PACRG: variants seen among roughly 807,000 people sequenced by gnomAD.
PACRG encodes parkin coregulated gene protein.
In PACRG, 29 loss-of-function variants were observed where a neutral mutation model predicts 29.7. The ratio of observed to expected loss-of-function variants is 0.98; its 90% CI spans 0.73 to 1.33. PACRG has a LOEUF of 1.33. Among genes scored for constraint, PACRG ranks in the 40% most tolerant of loss-of-function variants. PACRG has a pLI of 0.00. For synonymous variants in PACRG, 116 were observed against 118.7 expected (o/e 0.98, Z 0.15); for missense variants, 279 against 316.2 (o/e 0.88, Z 0.89).
intron 2 of PACRG, among the ~76,000 whole-genome samples, chr6:162,916,641 T>C (rs1584749914): frequency 6.6e-6 from 1 of 152,322 alleles, no homozygotes; most frequent in East Asian, 1.9e-4. Flanking sequence ...GAGTTGAGTT[T>C]CATGAAATTT....
intron 2 of PACRG, among the ~76,000 whole-genome samples, chr6:162,914,722 G>T (rs1461485205): frequency 6.6e-6 from 1 of 151,054 alleles, no homozygotes; most frequent in East Asian, 1.9e-4. Flanking sequence ...TAGGTCCTTA[G>T]TTTCTCTCAG....
intron 4 of PACRG, among the ~76,000 whole-genome samples, chr6:163,305,670 C>A (rs1169950111): frequency 1.3e-5 from 2 of 152,206 alleles, no homozygotes; most frequent in Admixed American, 1.3e-4. Context: ...TCCTTGAAAT[C>A]AGTCGGCCTT....
intron 4 of PACRG, among the ~76,000 whole-genome samples, chr6:163,175,370 G>A (rs952702702): frequency 4.6e-5 from 7 of 152,130 alleles, no homozygotes; most frequent in Non-Finnish European, 8.8e-5. Flanking sequence ...AGGGAGCATA[G>A]AGTGTTTACT....
intron 3 of PACRG, 80 bp from the exon 4 acceptor site, chr6:163,089,179 A>C: frequency 6.9e-7 from 1 of 1,453,086 alleles, no homozygotes; most frequent in Non-Finnish European, 9.4e-7. Flanking sequence ...ATGCAACCAC[A>C]AGACAACTTT....
intron 2 of PACRG, among the ~76,000 whole-genome samples, chr6:162,818,329 A>G (rs1022124582): frequency 2.0e-5 from 3 of 152,206 alleles, no homozygotes; most frequent in African/African-American, 7.2e-5. Flanking sequence ...TTAAATTGCC[A>G]TCCTTTAATT....
intron 4 of PACRG, among the ~76,000 whole-genome samples, chr6:163,216,021 C>G (rs1311548162): frequency 6.6e-6 from 1 of 152,126 alleles, no homozygotes; most frequent in Non-Finnish European, 1.5e-5. Context: ...CATCAGAAGC[C>G]CGGCTGGGAA....
At chr6:163,181,857 G>A (rs1779690960) in intron 4 of PACRG, among the ~76,000 whole-genome samples, 2 of 152,088 alleles carry the variant, frequency 1.3e-5, no homozygotes, top group Non-Finnish European at 2.9e-5. Context: ...CCCGGGAGGC[G>A]CGCTCTGTCA....
intron 4 of PACRG, among the ~76,000 whole-genome samples, chr6:163,292,906 G>A (rs1784664640): frequency 6.6e-6 from 1 of 152,128 alleles, no homozygotes; most frequent in Non-Finnish European, 1.5e-5. Context: ...TACAGAAGAC[G>A]ATTGTTACCT....
At chr6:162,939,059 T>A (rs1005133687) in intron 2 of PACRG, among the ~76,000 whole-genome samples, 2 of 152,094 alleles carry the variant, frequency 1.3e-5, no homozygotes, top group Admixed American at 1.3e-4. Flanking sequence ...GGTATAAAAA[T>A]GGGCACATAG....
intron 4 of PACRG, among the ~76,000 whole-genome samples, chr6:163,294,971 C>G (rs889712596): frequency 6.6e-6 from 1 of 152,302 alleles, no homozygotes; most frequent in Non-Finnish European, 1.5e-5. Flanking sequence ...GTACCATGGG[C>G]TCCTCCTCTG....
chr6:162,995,873 A>G (rs1231999753), intron 2 of PACRG, among the ~76,000 whole-genome samples: 2 of 152,194 alleles, frequency 1.3e-5, no homozygotes, highest in African/African-American at 4.8e-5. Context: ...TATCTTGGCT[A>G]TTGTGAATAA....
chr6:163,202,872 C>A (rs1381316073), intron 4 of PACRG, among the ~76,000 whole-genome samples: 1 of 152,102 alleles, frequency 6.6e-6, no homozygotes, highest in Non-Finnish European at 1.5e-5. Flanking sequence ...GGCCAGGATC[C>A]CAAGTCAGAC....
At chr6:162,854,358 C>T (rs1211750458) in intron 2 of PACRG, among the ~76,000 whole-genome samples, 1 of 152,080 alleles carries the variant, frequency 6.6e-6, no homozygotes, top group African/African-American at 2.4e-5. Context: ...CTTCTACCTG[C>T]ATAGTTCCAC....
At chr6:162,856,193 G>A (rs893922212) in intron 2 of PACRG, among the ~76,000 whole-genome samples, 2 of 151,948 alleles carry the variant, frequency 1.3e-5, no homozygotes, top group African/African-American at 4.8e-5. Context: ...CGAGTAGCTG[G>A]GACTACAGTA....
In PACRG at chr6:163,274,031, GT is replaced by G. The variant is rs202214874; in HGVS notation, c.614-40787del. 4.2e-3 allele frequency among the ~76,000 whole-genome samples: 641 copies of G among 151,082 alleles called. 15 individuals carry two copies. Among genetic ancestry groups the G allele is most frequent in the Admixed American group, 0.035 (539 of 15,190 alleles). ...TTATGTTGTTTTCTTTTTCTTTTTA[GT>G]TTTTTTTTATTATTATACTCTAAGT... On this transcript the variant is annotated intron_variant, in intron 4 of 4. Coordinates refer to ENST00000366888, the MANE Select transcript of PACRG (RefSeq NM_001080379.2).
At chr6:162,895,105 G>A (rs866296054) in intron 2 of PACRG, among the ~76,000 whole-genome samples, 3 of 118,392 alleles carry the variant, frequency 2.5e-5, no homozygotes, top group Non-Finnish European at 3.7e-5. Flanking sequence ...CTACCCCCCC[G>A]CCCCCAAAAA....
rs78766581 is a variant in PACRG, at chr6:162,767,212, T to G, written c.156+38821T>G. 8.4e-3 allele frequency among the ~76,000 whole-genome samples: 1,271 copies of G among 151,716 alleles called. 25 individuals carry two copies. Among genetic ancestry groups the G allele is most frequent in the African/African-American group, 0.029 (1,217 of 41,410 alleles). On this transcript the variant is annotated intron_variant, in intron 1 of 4. Transcript: ENST00000366888. ...ATGTATGAATTTGTTCATTTAAGAG[T>G]TTTTTTTGTTCTACTTAACTATTTG...
At chr6:162,830,732 C>T (rs562602947) in intron 2 of PACRG, among the ~76,000 whole-genome samples, 6 of 152,242 alleles carry the variant, frequency 3.9e-5, no homozygotes, top group Admixed American at 1.3e-4. Flanking sequence ...TACATTAAAA[C>T]GATGTTTACT....
intron 2 of PACRG, among the ~76,000 whole-genome samples, chr6:162,984,040 A>G (rs544007351): frequency 6.6e-6 from 1 of 151,812 alleles, no homozygotes; most frequent in African/African-American, 2.4e-5. Flanking sequence ...TTTTATTTCA[A>G]TAGGTTTTTG....
Sources: allele counts gnomAD v4.1 joint callset (sites outside exome capture counted in the v4.1 genomes callset), GRCh38; gene constraint gnomAD v4.1.1; transcripts MANE v1.5; gene names NCBI Gene and HGNC (gene_info 2026-07-23, HGNC 2026-07-21).